Variants in ADAM12 observed in about 807,000 individuals in gnomAD.
The protein encoded by ADAM12 is disintegrin and metalloproteinase domain-containing protein 12.
ADAM12 carries 70 observed loss-of-function variants against 106.4 expected under a neutral mutation model. The ratio of observed to expected loss-of-function variants is 0.66; its 90% CI spans 0.54 to 0.80. ADAM12 has a LOEUF of 0.80. Ranked by LOEUF, ADAM12 falls within the 30% of genes least tolerant of loss-of-function variation. The probability of loss-of-function intolerance (pLI) is 0.00; values close to 1 mark genes in which losing one functional copy is unlikely to be tolerated. For synonymous variants in ADAM12, 420 were observed against 433.5 expected (o/e 0.97, Z 0.39); for missense variants, 1,010 against 1,171.9 (o/e 0.86, Z 2.02).
chr10:126,202,506 T>C (rs901400819), intron 3 of ADAM12, among the ~76,000 whole-genome samples: 3 of 149,948 alleles, frequency 2.0e-5, no homozygotes, highest in Non-Finnish European at 4.4e-5. Flanking sequence ...TACTTCTCTC[T>C]CTCTCTCTCT....
intron 3 of ADAM12, among the ~76,000 whole-genome samples, chr10:126,161,303 T>C (rs1956929482): frequency 6.6e-6 from 1 of 152,140 alleles, no homozygotes; most frequent in Non-Finnish European, 1.5e-5. Context: ...ATCTGGCCCA[T>C]GGATATTATT....
chr10:126,375,742 CTTT>C (rs34064275), intron 1 of ADAM12, among the ~76,000 whole-genome samples: 1 of 140,414 alleles, frequency 7.1e-6, no homozygotes, highest in Non-Finnish European at 1.5e-5. Context: ...TCTTCTTCTT[CTTT>C]TTTTTTTTTC....
intron 3 of ADAM12, among the ~76,000 whole-genome samples, chr10:126,241,972 T>C (rs115264012): frequency 0.015 from 2,326 of 152,210 alleles, 50 homozygotes; most frequent in African/African-American, 0.053. Context: ...CTTTTTTTTT[T>C]TTTTTAACAC....
intron 3 of ADAM12, among the ~76,000 whole-genome samples, chr10:126,220,507 A>C (rs1216977284): frequency 3.3e-5 from 5 of 152,164 alleles, no homozygotes; most frequent in African/African-American, 4.8e-5. Flanking sequence ...AATTCACCCC[A>C]AAATCAATTC....
chr10:126,228,139 T>A (rs777530711), intron 3 of ADAM12, among the ~76,000 whole-genome samples: 45 of 152,214 alleles, frequency 3.0e-4, no homozygotes, highest in Non-Finnish European at 5.3e-4. Flanking sequence ...CCCCTAACAA[T>A]GCTTGGGTTC....
intron 5 of ADAM12, among the ~76,000 whole-genome samples, chr10:126,131,028 T>C (rs1445781459): frequency 6.6e-6 from 1 of 151,796 alleles, no homozygotes; most frequent in Non-Finnish European, 1.5e-5. Flanking sequence ...TCAGTTTTGA[T>C]AATTGGGAAT....
intron 18 of ADAM12, chr10:126,042,175 C>G: frequency 6.2e-7 from 1 of 1,613,800 alleles, no homozygotes; most frequent in Non-Finnish European, 8.5e-7. Context: ...CTCCTGCGAT[C>G]CCACGGGCTC....
intron 11 of ADAM12, among the ~76,000 whole-genome samples, chr10:126,072,511 C>T: frequency 6.6e-6 from 1 of 152,138 alleles, no homozygotes; most frequent in Middle Eastern, 3.2e-3. Flanking sequence ...ATTAGAGTAT[C>T]CCACGGTTTT....
At chr10:126,349,946 TATG>T (rs1414762547) in intron 1 of ADAM12, among the ~76,000 whole-genome samples, 1 of 152,226 alleles carries the variant, frequency 6.6e-6, no homozygotes, top group African/African-American at 2.4e-5. Context: ...GGAAAATGCA[TATG>T]ATTGAAATCT....
chr10:126,166,559 G>A (rs1470851625), intron 3 of ADAM12, among the ~76,000 whole-genome samples: 3 of 151,978 alleles, frequency 2.0e-5, no homozygotes, highest in Non-Finnish European at 2.9e-5. Flanking sequence ...GTGCAGTGGC[G>A]CGAGATCTCG....
chr10:126,241,747 A>G (rs1958528361), intron 3 of ADAM12, among the ~76,000 whole-genome samples: 3 of 152,224 alleles, frequency 2.0e-5, no homozygotes, highest in Admixed American at 2.0e-4. Flanking sequence ...TTGCAAGGAC[A>G]TCACTGTAAG....
intron 4 of ADAM12, among the ~76,000 whole-genome samples, chr10:126,136,098 G>A (rs1034201562): frequency 1.3e-5 from 2 of 152,204 alleles, no homozygotes; most frequent in African/African-American, 4.8e-5. Flanking sequence ...AAACGGGAAA[G>A]CAGATGAGAG....
rs765989957 is a variant in ADAM12 at position 126,330,552 on chromosome 10, G to A, written c.89-43C>T. On this transcript the variant is annotated intron_variant, in intron 1 of 22. Coordinates refer to ENST00000448723, the MANE Select transcript of ADAM12 (RefSeq NM_001288973.2). Reference sequence around the variant, plus strand: ...CAGCCCTATATTTCACTCTAGTCAGGAAGAGTTTGGCATCAGAAGCTTATT... The same window carrying A: ...CAGCCCTATATTTCACTCTAGTCAGAAAGAGTTTGGCATCAGAAGCTTATT... The A allele has an allele frequency of 1.9e-6, 3 of 1,543,406 alleles. No individual in the cohort carries two copies. In the East Asian group the frequency reaches 6.8e-5, roughly 35 times the overall value.
intron 21 of ADAM12, among the ~76,000 whole-genome samples, chr10:126,024,613 G>T (rs1454260541): frequency 6.6e-6 from 1 of 152,058 alleles, no homozygotes; most frequent in African/African-American, 2.4e-5. Flanking sequence ...TTTGTAGAGG[G>T]GACATTAAAG....
intron 8 of ADAM12, 104 bp from the exon 9 acceptor site, chr10:126,101,345 GGTGAGAAAAATATCTCT>G: frequency 8.6e-7 from 1 of 1,162,240 alleles, no homozygotes; most frequent in South Asian, 1.5e-5. Context: ...CACTGACACA[GGTGAGAAAAATATCTCT>G]GTGCTCTTTG....
chr10:126,161,967 A>G (rs533561801), intron 3 of ADAM12, among the ~76,000 whole-genome samples: 140 of 152,318 alleles, frequency 9.2e-4, no homozygotes, highest in Non-Finnish European at 1.7e-3. Context: ...GCTTCTCTCA[A>G]TACCAGGAAG....
intron 5 of ADAM12, among the ~76,000 whole-genome samples, chr10:126,132,982 C>G (rs1228399661): frequency 6.6e-6 from 1 of 152,110 alleles, no homozygotes; most frequent in African/African-American, 2.4e-5. Context: ...CTGACCCTAT[C>G]CCCACTCCCT....
intron 21 of ADAM12, among the ~76,000 whole-genome samples, chr10:126,026,573 G>T (rs575033464): frequency 5.9e-5 from 9 of 152,224 alleles, no homozygotes; most frequent in African/African-American, 1.7e-4. Context: ...ATAACAGTCT[G>T]TCAAACCACA....
chr10:126,271,745 AAC>A (rs1187261151), intron 3 of ADAM12, among the ~76,000 whole-genome samples: 5 of 152,254 alleles, frequency 3.3e-5, no homozygotes, highest in African/African-American at 1.2e-4. Context: ...CAGCCTAGGC[AAC>A]AGAGTGAGAC....
Sources: gnomAD v4.1 joint callset for allele counts (sites outside exome capture counted in the v4.1 genomes callset) on GRCh38, gnomAD v4.1.1 for gene constraint, MANE v1.5 for transcripts, NCBI Gene and HGNC (gene_info 2026-07-23, HGNC 2026-07-21) for gene names.